The following MDGA2 variants were observed in gnomAD, a reference collection of about 807,000 sequenced individuals.
The protein encoded by MDGA2 is MAM domain containing glycosylphosphatidylinositol anchor 2, also known as MAM domain-containing glycosylphosphatidylinositol anchor protein 2.
MDGA2 carries 40 observed loss-of-function variants against 117.8 expected under a neutral mutation model. The ratio of observed to expected loss-of-function variants is 0.34; its 90% CI spans 0.26 to 0.44. The LOEUF is 0.44. Among genes scored for constraint, MDGA2 ranks in the 20% least tolerant of loss-of-function variants. MDGA2 has a pLI of 1.00. For missense variants in MDGA2, 1,123 were observed against 1,250.6 expected (o/e 0.90, Z 1.54); for synonymous variants, 452 against 439.0 (o/e 1.03, Z -0.37).
Position 46,855,856 on chromosome 14 carries a change from A to G in MDGA2, c.2753-702T>C, listed in dbSNP as rs1407121683. Among the ~76,000 whole-genome samples the G allele has an allele frequency of 6.6e-6, 1 of 152,048 alleles. No homozygotes were observed. Among genetic ancestry groups the G allele is most frequent in the Non-Finnish European group, 1.5e-5 (1 of 67,998 alleles). On this transcript the variant is annotated intron_variant, in intron 14 of 16. Coordinates refer to ENST00000399232, the MANE Select transcript of MDGA2 (RefSeq NM_001113498.3). This position sits in a 1 kb window ranked among gnomAD's most constrained non-coding sequence, Gnocchi z 4.1. ...CTGTCGTCTTATATTATCATTTAGCATCTTATTTTTTCAGTTTGATTTTTA... is the reference window on the plus strand; with the variant it reads ...CTGTCGTCTTATATTATCATTTAGCGTCTTATTTTTTCAGTTTGATTTTTA...
intron 10 of MDGA2, among the ~76,000 whole-genome samples, chr14:46,893,735 T>C (rs1244098377): frequency 1.3e-5 from 2 of 152,034 alleles, no homozygotes; most frequent in Non-Finnish European, 2.9e-5. Flanking sequence ...TACATTATTC[T>C]TTACATAGGA....
rs193184124 is a variant in MDGA2, at chr14:47,650,170, A to G, written c.280+24347T>C. ...CTGACTGCCTTCAAACTGAGACATC[A>G]TGTTTTTTCATGCTCTGGGAGTCAT... On this transcript the variant is annotated intron_variant, in intron 1 of 16. Coordinates refer to ENST00000399232, the MANE Select transcript of MDGA2 (RefSeq NM_001113498.3). Among the ~76,000 whole-genome samples the G allele has an allele frequency of 6.8e-3, 1,032 of 151,472 alleles. 11 individuals are homozygous for G. Among genetic ancestry groups the G allele is most frequent in the African/African-American group, 0.024 (980 of 41,390 alleles).
At position 47,589,341 on chromosome 14, in the gene MDGA2, T is replaced by C. The variant is rs555875614; in HGVS notation, c.280+85176A>G. 8.5e-4 allele frequency among the ~76,000 whole-genome samples: 129 copies of C among 152,132 alleles called. 1 individual carries two copies. Among genetic ancestry groups the C allele is most frequent in the African/African-American group, 3.0e-3 (126 of 41,552 alleles). ...CTTACATTTAGGTCTATAATTCATT[T>C]GGCATTAATTTCTGCATATGGTGTA... On this transcript the variant is annotated intron_variant, in intron 1 of 16. Transcript: ENST00000399232.
intron 5 of MDGA2, among the ~76,000 whole-genome samples, chr14:47,123,433 C>G (rs1051804869): frequency 6.6e-5 from 10 of 151,964 alleles, no homozygotes; most frequent in Non-Finnish European, 1.5e-4. Flanking sequence ...GCTGTCTTAT[C>G]ATCATCTATA....
At chr14:47,369,573 C>T (rs966409445) in intron 1 of MDGA2, among the ~76,000 whole-genome samples, 1 of 152,024 alleles carries the variant, frequency 6.6e-6, no homozygotes, top group East Asian at 1.9e-4. Context: ...TCCCCGGTCC[C>T]GACACCACCA....
At chr14:46,908,632 T>G (rs922090228) in intron 10 of MDGA2, among the ~76,000 whole-genome samples, 3 of 152,150 alleles carry the variant, frequency 2.0e-5, no homozygotes, top group African/African-American at 7.2e-5. Context: ...TAATACATCC[T>G]CAAAATATAT....
intron 1 of MDGA2, among the ~76,000 whole-genome samples, chr14:47,543,862 C>T (rs1210955195): frequency 6.6e-6 from 1 of 152,148 alleles, no homozygotes; most frequent in Non-Finnish European, 1.5e-5. Context: ...GAGCAGGGGT[C>T]GGTTTCTTAA....
chr14:46,916,906 G>C (rs1883921927), intron 10 of MDGA2, among the ~76,000 whole-genome samples: 2 of 152,042 alleles, frequency 1.3e-5, no homozygotes. Flanking sequence ...GTACAGAAAA[G>C]AATGTATACA....
chr14:47,415,771 G>T (rs1258547854), intron 1 of MDGA2, among the ~76,000 whole-genome samples: 3 of 152,094 alleles, frequency 2.0e-5, no homozygotes, highest in Non-Finnish European at 4.4e-5. Flanking sequence ...GGGCTAGCAT[G>T]GTTTCTAGTG....
intron 8 of MDGA2, among the ~76,000 whole-genome samples, chr14:46,976,533 C>A (rs995586773): frequency 6.6e-6 from 1 of 151,642 alleles, no homozygotes; most frequent in Non-Finnish European, 1.5e-5. Context: ...CAGAAATTTG[C>A]TTTTATTTTA....
At position 47,573,811 on chromosome 14, in the gene MDGA2, T is replaced by C. The variant is rs141454448; in HGVS notation, c.280+100706A>G. On this transcript the variant is annotated intron_variant, in intron 1 of 16. Transcript: ENST00000399232. The stretch of plus-strand genomic sequence containing the variant: ...GAAGGAGTGTTTTACAACTCATGCA[T>C]TTGTTAACCTTATTTTAAAAATTAA... 3.9e-5 allele frequency among the ~76,000 whole-genome samples: 6 copies of C among 152,300 alleles called. No homozygotes were observed. The East Asian group carries it at 1.2e-3, about 29-fold the overall frequency.
chr14:46,897,135 A>G (rs979543391), intron 10 of MDGA2, among the ~76,000 whole-genome samples: 2 of 152,172 alleles, frequency 1.3e-5, no homozygotes, highest in Admixed American at 6.6e-5. Flanking sequence ...CCCTAATGTG[A>G]TATCCGTATT....
At chr14:47,661,365 A>G (rs1897842402) in intron 1 of MDGA2, among the ~76,000 whole-genome samples, 1 of 152,222 alleles carries the variant, frequency 6.6e-6, no homozygotes, top group Non-Finnish European at 1.5e-5. Context: ...AAGGTGTGGC[A>G]TACAGTAGGC....
At chr14:47,235,124 C>G (rs1333623347) in intron 2 of MDGA2, among the ~76,000 whole-genome samples, 1 of 152,142 alleles carries the variant, frequency 6.6e-6, no homozygotes, top group Non-Finnish European at 1.5e-5. Flanking sequence ...GTTAATAAGA[C>G]TTGAAAGACA....
chr14:47,624,239 C>G (rs1897100870), intron 1 of MDGA2, among the ~76,000 whole-genome samples: 1 of 152,162 alleles, frequency 6.6e-6, no homozygotes, highest in Non-Finnish European at 1.5e-5. Context: ...GGGCGGATCA[C>G]CTGAGGTCAG....
intron 1 of MDGA2, among the ~76,000 whole-genome samples, chr14:47,407,898 G>C (rs1892291353): frequency 6.6e-6 from 1 of 151,982 alleles, no homozygotes; most frequent in African/African-American, 2.4e-5. Context: ...TTCTAACAGG[G>C]GGAGACAGAT....
chr14:47,056,884 G>A (rs548793849), intron 7 of MDGA2, among the ~76,000 whole-genome samples: 2 of 151,888 alleles, frequency 1.3e-5, no homozygotes, highest in East Asian at 3.9e-4. Flanking sequence ...CAGCAAGTAT[G>A]TGAAGTTTTT....
chr14:47,083,408 AC>A (rs1890778750), intron 6 of MDGA2, among the ~76,000 whole-genome samples: 1 of 151,990 alleles, frequency 6.6e-6, no homozygotes, highest in African/African-American at 2.4e-5. Context: ...CAAAATGTAA[AC>A]CTGAAATATG....
At chr14:46,850,288 C>A (rs1881007227) in intron 15 of MDGA2, among the ~76,000 whole-genome samples, 1 of 151,654 alleles carries the variant, frequency 6.6e-6, no homozygotes. Flanking sequence ...ATAGATGATG[C>A]TATAAAAGTA....
Sources: gnomAD v4.1 joint callset for allele counts (sites outside exome capture counted in the v4.1 genomes callset) on GRCh38, gnomAD v4.1.1 for gene constraint, Gnocchi (gnomAD v3.1) non-coding constraint, MANE v1.5 for transcripts, NCBI Gene and HGNC (gene_info 2026-07-23, HGNC 2026-07-21) for gene names.